The following FHOD3 variants were observed in gnomAD, a reference collection of about 807,000 sequenced individuals.
FHOD3 encodes FH1/FH2 domain-containing protein 3.
FHOD3 carries 90 observed loss-of-function variants against 173.0 expected under a neutral mutation model. That is an observed-to-expected ratio of 0.52 (90% CI 0.44 to 0.62). FHOD3 has a LOEUF of 0.62. Ranked by LOEUF, FHOD3 falls within the 20% of genes least tolerant of loss-of-function variation. The pLI, the probability that FHOD3 is intolerant of heterozygous loss-of-function variation, is 0.00. For synonymous variants in FHOD3, 828 were observed against 823.0 expected, an observed-to-expected ratio of 1.01 and a Z score of -0.10; for missense variants, 1,945 against 2,034.7, an observed-to-expected ratio of 0.96 and a Z score of 0.85.
At chr18:36,319,437 C>G (rs1241506971) in intron 1 of FHOD3, among the ~76,000 whole-genome samples, 2 of 152,190 alleles carry the variant, frequency 1.3e-5, no homozygotes, top group African/African-American at 4.8e-5. Context: ...GAAGAGCAAA[C>G]TATCCTAAAT....
chr18:36,595,183 C>T (rs539382645), intron 7 of FHOD3, among the ~76,000 whole-genome samples: 1 of 152,138 alleles, frequency 6.6e-6, no homozygotes, highest in Non-Finnish European at 1.5e-5. Flanking sequence ...AGAAGTCTAG[C>T]TCCTCCTCCT....
In FHOD3 at chr18:36,545,340, G is replaced by A. The variant is rs191489545; in HGVS notation, c.512-31111G>A. On this transcript the variant is annotated intron_variant, in intron 5 of 28. Coordinates refer to ENST00000590592, the MANE Select transcript of FHOD3 (RefSeq NM_001281740.3). ...AACTGCTGTGAAGAAAAGTAAAGCAGGTGTGAGGCTTCTAGAGGGTGGCAT... is the reference window on the plus strand; with the variant it reads ...AACTGCTGTGAAGAAAAGTAAAGCAAGTGTGAGGCTTCTAGAGGGTGGCAT... 5.0e-3 allele frequency among the ~76,000 whole-genome samples: 758 copies of A among 152,302 alleles called. 9 individuals carry two copies. Among genetic ancestry groups the A allele is most frequent in the African/African-American group, 0.017 (717 of 41,564 alleles).
intron 17 of FHOD3, among the ~76,000 whole-genome samples, chr18:36,699,058 C>T (rs1292745641): frequency 1.3e-5 from 2 of 152,110 alleles, no homozygotes; most frequent in African/African-American, 4.8e-5. Context: ...AAGAGAAGAC[C>T]CTGTCTTCTA....
chr18:36,701,854 C>A (rs1022389447), intron 17 of FHOD3, among the ~76,000 whole-genome samples: 1 of 152,142 alleles, frequency 6.6e-6, no homozygotes, highest in African/African-American at 2.4e-5. Context: ...GTAATTTTGA[C>A]TATACATGGT....
At chr18:36,760,850 C>T in intron 27 of FHOD3, 68 bp downstream of exon 27, 1 of 1,475,250 alleles carries the variant, frequency 6.8e-7, no homozygotes, top group Non-Finnish European at 9.0e-7. Flanking sequence ...GTCCGGTCTC[C>T]ATCGCAGGCT....
chr18:36,528,693 G>A (rs1599526589), intron 5 of FHOD3, among the ~76,000 whole-genome samples: 1 of 152,164 alleles, frequency 6.6e-6, no homozygotes, highest in Non-Finnish European at 1.5e-5. Context: ...AGCGCCACAC[G>A]CACAGCAAAA....
At chr18:36,392,711 C>T (rs2048362636) in intron 3 of FHOD3, among the ~76,000 whole-genome samples, 1 of 152,256 alleles carries the variant, frequency 6.6e-6, no homozygotes, top group Admixed American at 6.5e-5. Flanking sequence ...GTCTGTGTTT[C>T]ATGCGCAGGC....
At chr18:36,452,852 G>T (rs1266771992) in intron 3 of FHOD3, among the ~76,000 whole-genome samples, 3 of 151,892 alleles carry the variant, frequency 2.0e-5, no homozygotes, top group Non-Finnish European at 4.4e-5. Context: ...ATATATGTAT[G>T]TATGTATATG....
intron 15 of FHOD3, among the ~76,000 whole-genome samples, chr18:36,681,904 C>A (rs962375278): frequency 6.6e-6 from 1 of 152,148 alleles, no homozygotes; most frequent in Non-Finnish European, 1.5e-5. Context: ...TCCTAATGGT[C>A]CTCATGTTTT....
intron 1 of FHOD3, among the ~76,000 whole-genome samples, chr18:36,349,822 G>T (rs2046036341): frequency 6.6e-6 from 1 of 152,124 alleles, no homozygotes; most frequent in South Asian, 2.1e-4. Context: ...TTGGAGTGCA[G>T]TGGCGCAATC....
intron 15 of FHOD3, among the ~76,000 whole-genome samples, chr18:36,684,521 C>G (rs189405628): frequency 2.6e-4 from 40 of 151,600 alleles, no homozygotes; most frequent in African/African-American, 8.7e-4. Flanking sequence ...ATATAAAGAT[C>G]CAAATGGAAA....
chr18:36,534,482 TTTTTATTA>T (rs1281036957), intron 5 of FHOD3, among the ~76,000 whole-genome samples: 27 of 151,734 alleles, frequency 1.8e-4, no homozygotes, highest in African/African-American at 5.8e-4. Context: ...ATTTATTTAT[TTTTTATTA>T]TTTTATTATT....
At chr18:36,746,896 T>A in intron 23 of FHOD3, 49 bp from the exon 24 acceptor site, 1 of 1,456,958 alleles carries the variant, frequency 6.9e-7, no homozygotes. Flanking sequence ...CAGTTCAGGC[T>A]GGTGTCCGGC....
intron 1 of FHOD3, among the ~76,000 whole-genome samples, chr18:36,319,781 A>C (rs933327950): frequency 2.6e-5 from 4 of 152,230 alleles, no homozygotes; most frequent in Non-Finnish European, 4.4e-5. Flanking sequence ...AATCATGACA[A>C]ACTGTCTCTC....
rs552153123 is a variant in FHOD3, at chr18:36,447,490, T to C, written c.338-54442T>C. On this transcript the variant is annotated intron_variant, in intron 3 of 28. Coordinates refer to ENST00000590592, the MANE Select transcript of FHOD3 (RefSeq NM_001281740.3). Reference sequence around the variant, plus strand: ...TTTTCCTGCCTGAGCTGGTTTTGTTTTGTTTGTTTGTTTTTTCCCCCAATA... The same window carrying C: ...TTTTCCTGCCTGAGCTGGTTTTGTTCTGTTTGTTTGTTTTTTCCCCCAATA... 2.7e-3 allele frequency among the ~76,000 whole-genome samples: 413 copies of C among 151,920 alleles called. 1 individual carries two copies. The highest frequency in any genetic ancestry group is 8.8e-3 in the African/African-American group (362 of 41,336).
intron 3 of FHOD3, among the ~76,000 whole-genome samples, chr18:36,393,588 C>T (rs901443153): frequency 2.6e-5 from 4 of 152,158 alleles, no homozygotes; most frequent in Non-Finnish European, 4.4e-5. Context: ...AGAAGCTGTC[C>T]GTAATCCCCA....
At chr18:36,650,720 A>G (rs1027260254) in intron 11 of FHOD3, among the ~76,000 whole-genome samples, 45 of 152,352 alleles carry the variant, frequency 3.0e-4, no homozygotes, top group African/African-American at 1.0e-3. Context: ...CCACCTGCAC[A>G]AACCCTTAAA....
intron 1 of FHOD3, among the ~76,000 whole-genome samples, chr18:36,345,540 G>A (rs2045839551): frequency 6.6e-6 from 1 of 152,194 alleles, no homozygotes. Flanking sequence ...CTGAACTAAA[G>A]AGATCCTCCT....
intron 22 of FHOD3, among the ~76,000 whole-genome samples, chr18:36,743,226 T>C (rs2041987767): frequency 6.9e-6 from 1 of 144,390 alleles, no homozygotes. Context: ...GGAGAATCGC[T>C]TGAACCCGGG....
Sources: gnomAD v4.1 joint callset for allele counts (sites outside exome capture counted in the v4.1 genomes callset) on GRCh38, gnomAD v4.1.1 for gene constraint, MANE v1.5 for transcripts, NCBI Gene and HGNC (gene_info 2026-07-23, HGNC 2026-07-21) for gene names.